The following NR3C1 variants were observed in gnomAD, a reference collection of about 807,000 sequenced individuals.
NR3C1 encodes glucocorticoid receptor.
A neutral mutation model predicts 74.0 loss-of-function variants in NR3C1; 14 were observed. The observed-to-expected ratio is 0.19, with a 90% CI of 0.12 to 0.30. The LOEUF (loss-of-function observed/expected upper bound fraction) is 0.30, where lower values mean the gene tolerates loss of function less well. Ranked by LOEUF, NR3C1 falls within the 10% of genes least tolerant of loss-of-function variation. The pLI, the probability that NR3C1 is intolerant of heterozygous loss-of-function variation, is 1.00. For synonymous variants in NR3C1, 308 were observed against 332.5 expected (o/e 0.93, Z 0.80); for missense variants, 695 against 909.8 (o/e 0.76, Z 3.04).
intron 1 of NR3C1, among the ~76,000 whole-genome samples, chr5:143,429,987 C>T (rs1751728162): frequency 6.6e-6 from 1 of 151,074 alleles, no homozygotes; most frequent in African/African-American, 2.4e-5. Flanking sequence ...GAGGCTGAGG[C>T]AGGAGAATTG....
chr5:143,286,596 T>G (rs1014584208), intron 7 of NR3C1, among the ~76,000 whole-genome samples: 6 of 152,090 alleles, frequency 3.9e-5, no homozygotes, highest in Non-Finnish European at 1.5e-5. Context: ...AGTCATTAAA[T>G]GCATGGCAAG....
intron 2 of NR3C1, among the ~76,000 whole-genome samples, chr5:143,351,742 T>A (rs893763265): frequency 6.6e-6 from 1 of 152,188 alleles, no homozygotes; most frequent in Non-Finnish European, 1.5e-5. Flanking sequence ...TGACAAAAAA[T>A]TTATAAAGAT....
intron 6 of NR3C1, among the ~76,000 whole-genome samples, chr5:143,297,450 T>A (rs1221517548): frequency 6.6e-6 from 1 of 152,222 alleles, no homozygotes; most frequent in Non-Finnish European, 1.5e-5. Context: ...TGGTATTTTT[T>A]AAACAGCATG....
At chr5:143,431,714 G>C (rs1316701228) in intron 1 of NR3C1, among the ~76,000 whole-genome samples, 1 of 152,136 alleles carries the variant, frequency 6.6e-6, no homozygotes, top group Admixed American at 6.5e-5. Flanking sequence ...GAGAGTGGGG[G>C]TTATAGGTAG....
At chr5:143,392,169 G>GT (rs1484451779) in intron 2 of NR3C1, among the ~76,000 whole-genome samples, 1 of 152,096 alleles carries the variant, frequency 6.6e-6, no homozygotes, top group Non-Finnish European at 1.5e-5. Flanking sequence ...GTTTCACCGT[G>GT]TTAGCCAGGA....
chr5:143,368,534 T>C (rs868025149), intron 2 of NR3C1, among the ~76,000 whole-genome samples: 1 of 144,960 alleles, frequency 6.9e-6, no homozygotes. Context: ...ATATTCTAGA[T>C]ACACACACAC....
At chr5:143,369,416 T>C (rs1219749122) in intron 2 of NR3C1, among the ~76,000 whole-genome samples, 1 of 152,224 alleles carries the variant, frequency 6.6e-6, no homozygotes, top group Non-Finnish European at 1.5e-5. Flanking sequence ...CAGCATTATT[T>C]ATAATAGCCA....
chr5:143,339,570 T>A (rs1827818222), intron 2 of NR3C1, among the ~76,000 whole-genome samples: 1 of 152,226 alleles, frequency 6.6e-6, no homozygotes, highest in Admixed American at 6.5e-5. Flanking sequence ...ATGCATTATT[T>A]TTCTTATTTC....
chr5:143,403,174 C>G, intron 1 of NR3C1, 37 bp downstream of exon 1: 2 of 983,722 alleles, frequency 2.0e-6, no homozygotes, highest in Non-Finnish European at 2.4e-6. Flanking sequence ...CTCGGGGGAG[C>G]GAGCGCGCCC....
intron 2 of NR3C1, among the ~76,000 whole-genome samples, chr5:143,325,365 T>C (rs928923753): frequency 6.6e-6 from 1 of 152,122 alleles, no homozygotes. Context: ...ATCACGAGAA[T>C]AGCAAGGGAA....
In NR3C1 at chr5:143,418,451, T is replaced by C. The variant is rs540328440; in HGVS notation, c.-14+16081A>G. Among the ~76,000 whole-genome samples the C allele has an allele frequency of 2.0e-5, 3 of 152,310 alleles. No homozygotes were observed. The South Asian group carries it at 6.2e-4, about 32-fold the overall frequency. On this transcript the variant is annotated intron_variant, in intron 1 of 8. Transcript: ENST00000343796. ...TTAAGTATCTGGACTTTCCCTTCCC[T>C]TCTTTCTCAACCCACACAGAAGTAA...
chr5:143,399,566 T>C, intron 2 of NR3C1, 90 bp downstream of exon 2: 1 of 1,047,592 alleles, frequency 9.5e-7, no homozygotes, highest in East Asian at 2.4e-5. Context: ...CATGAATCTT[T>C]AGAGAACACA....
chr5:143,417,089 G>T (rs1169203751), intron 1 of NR3C1, among the ~76,000 whole-genome samples: 1 of 151,962 alleles, frequency 6.6e-6, no homozygotes, highest in East Asian at 1.9e-4. Context: ...TTTCCATATT[G>T]ATCCAGCCTT....
upstream of NR3C1, among the ~76,000 whole-genome samples, chr5:143,408,002 G>A (rs1841170830): frequency 6.6e-6 from 1 of 152,110 alleles, no homozygotes; most frequent in African/African-American, 2.4e-5. Context: ...GTTAAAAGAA[G>A]GAAATAATTT....
At chr5:143,342,503 T>C (rs1312486124) in intron 2 of NR3C1, among the ~76,000 whole-genome samples, 1 of 152,334 alleles carries the variant, frequency 6.6e-6, no homozygotes, top group East Asian at 1.9e-4. Context: ...GACATATCAA[T>C]GACATTTATT....
chr5:143,429,888 T>C (rs1751722724), intron 1 of NR3C1, among the ~76,000 whole-genome samples: 1 of 152,088 alleles, frequency 6.6e-6, no homozygotes, highest in Non-Finnish European at 1.5e-5. Context: ...AAGACCAGCC[T>C]GGCCAACATG....
At chr5:143,410,948 T>C (rs1841270352) in intron 1 of NR3C1, among the ~76,000 whole-genome samples, 1 of 152,196 alleles carries the variant, frequency 6.6e-6, no homozygotes, top group South Asian at 2.1e-4. Context: ...GTAAGTTGGT[T>C]GTTAATCACA....
At chr5:143,323,862 G>A (rs901237376) in intron 2 of NR3C1, among the ~76,000 whole-genome samples, 1 of 152,106 alleles carries the variant, frequency 6.6e-6, no homozygotes, top group African/African-American at 2.4e-5. Context: ...AGGGGTTACG[G>A]GGCCCATGCA....
At chr5:143,425,710 TA>T (rs148571995) in intron 1 of NR3C1, among the ~76,000 whole-genome samples, 8,936 of 152,130 alleles carry the variant, frequency 0.059, 280 homozygotes, top group East Asian at 0.14. Flanking sequence ...AATTGTTTTT[TA>T]AAAAAAGGAA....
Sources: allele counts gnomAD v4.1 joint callset (sites outside exome capture counted in the v4.1 genomes callset), GRCh38; gene constraint gnomAD v4.1.1; transcripts MANE v1.5; gene names NCBI Gene and HGNC (gene_info 2026-07-23, HGNC 2026-07-21).